The following MTHFD1L variants were observed in gnomAD, a reference collection of about 807,000 sequenced individuals.
The protein encoded by MTHFD1L is methylenetetrahydrofolate dehydrogenase (NADP+ dependent) 1 like.
In MTHFD1L, 81 loss-of-function variants were observed where a neutral mutation model predicts 119.5. The observed-to-expected ratio is 0.68, with a 90% CI of 0.57 to 0.82. The LOEUF (loss-of-function observed/expected upper bound fraction) is 0.82. Ranked by LOEUF, MTHFD1L falls within the 40% of genes least tolerant of loss-of-function variation. MTHFD1L has a pLI of 0.00. For synonymous variants in MTHFD1L, 430 were observed against 475.2 expected (o/e 0.90, Z 1.24); for missense variants, 1,125 against 1,253.4 (o/e 0.90, Z 1.55).
chr6:150,954,464 G>C (rs1214259116), intron 16 of MTHFD1L, among the ~76,000 whole-genome samples: 1 of 152,144 alleles, frequency 6.6e-6, no homozygotes, highest in Admixed American at 6.5e-5. Flanking sequence ...GAGGCAGGTG[G>C]ATCACATGAG....
intron 26 of MTHFD1L, among the ~76,000 whole-genome samples, chr6:151,072,764 C>T (rs1792077529): frequency 6.6e-6 from 1 of 151,886 alleles, no homozygotes; most frequent in South Asian, 2.1e-4. Context: ...GAGATTGTGC[C>T]TCCTCTGCAC....
rs746908775 is a variant in MTHFD1L, at chr6:151,092,475, C to T, written c.2856C>T (p.Thr952=). 2.9e-5 allele frequency: 46 copies of T among 1,612,972 alleles called. No individual in the cohort carries two copies. The highest frequency in any genetic ancestry group is 3.9e-5 in the Non-Finnish European group (46 of 1,179,720). ...TTGGTTTTCTCCCCCAGATGAGCAC[C>T]ATGCCAGGACTGCCCACCCGGCCCT... is the stretch of plus-strand genomic sequence containing the variant. ...FIYPLVGTMS[T]MPGLPTRPCF... The change falls in exon 27 of 28, where the codon ACC becomes ACT. Residue 952 remains threonine, a synonymous_variant. Transcript: ENST00000367321.
intron 26 of MTHFD1L, among the ~76,000 whole-genome samples, chr6:151,050,389 T>G (rs1233792029): frequency 1.3e-5 from 2 of 152,232 alleles, no homozygotes; most frequent in Non-Finnish European, 2.9e-5. Context: ...CTTGAACTCC[T>G]GACCTTAGGT....
At chr6:150,949,170 G>C (rs1423139473) in intron 16 of MTHFD1L, 37 bp downstream of exon 16, 1 of 1,555,464 alleles carries the variant, frequency 6.4e-7, no homozygotes, top group South Asian at 1.1e-5. Context: ...CTGATGGCCA[G>C]GTGGGGAGGC....
chr6:150,945,445 C>T (rs766689729), intron 14 of MTHFD1L, 22 bp from the exon 15 acceptor site: 1 of 1,600,666 alleles, frequency 6.2e-7, no homozygotes, highest in Admixed American at 1.7e-5. Flanking sequence ...TGTGTGGTCT[C>T]ATTTTTGTTT....
At chr6:150,878,013 A>G (rs542843835) in intron 4 of MTHFD1L, among the ~76,000 whole-genome samples, 187 bp downstream of exon 4, 1 of 152,174 alleles carries the variant, frequency 6.6e-6, no homozygotes, top group African/African-American at 2.4e-5. Flanking sequence ...TGTCATTTGT[A>G]TGTTTCTACT....
chr6:150,897,420 A>G (rs528996685), intron 7 of MTHFD1L, among the ~76,000 whole-genome samples: 19 of 152,336 alleles, frequency 1.2e-4, no homozygotes, highest in African/African-American at 4.3e-4. Flanking sequence ...ATATAATAGT[A>G]TAAATGGTGT....
At chr6:151,071,511 A>G (rs1383156407) in intron 26 of MTHFD1L, among the ~76,000 whole-genome samples, 2 of 152,066 alleles carry the variant, frequency 1.3e-5, no homozygotes, top group Non-Finnish European at 2.9e-5. Flanking sequence ...CATCATAGGA[A>G]GCTTTCATTC....
chr6:150,926,546 T>C lies in MTHFD1L; in HGVS notation c.1256+251T>C, dbSNP rs1790018935. 6.6e-6 allele frequency among the ~76,000 whole-genome samples: 1 copy of C among 152,242 alleles called. No individual in the cohort carries two copies. The highest frequency in any genetic ancestry group is 6.5e-5 in the Admixed American group (1 of 15,288). On this transcript the variant is annotated intron_variant, in intron 11 of 27. Transcript: ENST00000367321. The surrounding 1 kb of genome is among the most constrained non-coding windows in gnomAD (Gnocchi z 4.3). ...TCTTTTGTTTCTCATATTATGTTGT[T>C]ATTACCCCTGCTCCTCCTTGACTTT...
intron 10 of MTHFD1L, among the ~76,000 whole-genome samples, chr6:150,923,879 T>A (rs1789488803): frequency 6.6e-6 from 1 of 152,152 alleles, no homozygotes; most frequent in Admixed American, 6.5e-5. Flanking sequence ...TTCTTTGTAA[T>A]ATCATCCCTG....
At chr6:151,088,699 C>T (rs1484338539) in intron 26 of MTHFD1L, among the ~76,000 whole-genome samples, 5 of 149,132 alleles carry the variant, frequency 3.4e-5, no homozygotes, top group African/African-American at 9.9e-5. Context: ...TCAAGTGATC[C>T]GCCCGCCTCG....
intron 8 of MTHFD1L, among the ~76,000 whole-genome samples, chr6:150,912,502 C>T (rs1343091649): frequency 6.6e-6 from 1 of 152,062 alleles, no homozygotes. Flanking sequence ...TCCGCAGAGC[C>T]GAGATGGCAT....
intron 4 of MTHFD1L, among the ~76,000 whole-genome samples, chr6:150,882,007 G>A (rs1426614254): frequency 6.6e-6 from 1 of 152,194 alleles, no homozygotes; most frequent in Non-Finnish European, 1.5e-5. Context: ...TCACTTGTGA[G>A]CAAATATTTT....
intron 16 of MTHFD1L, among the ~76,000 whole-genome samples, chr6:150,953,615 T>C (rs926772961): frequency 6.6e-6 from 1 of 152,200 alleles, no homozygotes; most frequent in African/African-American, 2.4e-5. Flanking sequence ...GGCTGGAATT[T>C]AACCTTCACA....
chr6:150,976,648 T>G (rs1454622875), intron 20 of MTHFD1L, among the ~76,000 whole-genome samples: 1 of 152,044 alleles, frequency 6.6e-6, no homozygotes, highest in African/African-American at 2.4e-5. Flanking sequence ...TAGAGAAAAA[T>G]GTCGATAATT....
At chr6:150,988,901 C>T (rs1445785864) in intron 20 of MTHFD1L, among the ~76,000 whole-genome samples, 2 of 151,786 alleles carry the variant, frequency 1.3e-5, no homozygotes, top group African/African-American at 4.8e-5. Flanking sequence ...CCACCATACC[C>T]AGCTAATTTT....
intron 8 of MTHFD1L, among the ~76,000 whole-genome samples, chr6:150,915,479 T>C (rs1787697986): frequency 1.3e-5 from 2 of 152,224 alleles, no homozygotes; most frequent in East Asian, 1.9e-4. Context: ...CCAGGACTTA[T>C]CTTGTAAACT....
At chr6:150,985,920 G>A (rs979395880) in intron 20 of MTHFD1L, among the ~76,000 whole-genome samples, 2 of 152,026 alleles carry the variant, frequency 1.3e-5, no homozygotes, top group African/African-American at 2.4e-5. Flanking sequence ...GAGAATCTTC[G>A]GTGGCATTAA....
intron 19 of MTHFD1L, among the ~76,000 whole-genome samples, chr6:150,970,193 G>A (rs1173766606): frequency 1.3e-5 from 2 of 152,204 alleles, no homozygotes; most frequent in Non-Finnish European, 2.9e-5. Flanking sequence ...AAGCTCCTGG[G>A]AAGGTTTAAG....
Sources: gnomAD v4.1 joint callset for allele counts (sites outside exome capture counted in the v4.1 genomes callset) on GRCh38, gnomAD v4.1.1 for gene constraint, Gnocchi (gnomAD v3.1) non-coding constraint, MANE v1.5 for transcripts, NCBI Gene and HGNC (gene_info 2026-07-23, HGNC 2026-07-21) for gene names.